The following LINGO2 variants were observed in gnomAD, a reference collection of about 807,000 sequenced individuals.
LINGO2 encodes leucine-rich repeat and immunoglobulin-like domain-containing nogo receptor-interacting protein 2.
In LINGO2, 14 loss-of-function variants were observed where a neutral mutation model predicts 30.6. The ratio of observed to expected loss-of-function variants is 0.46; its 90% CI spans 0.30 to 0.72. LINGO2 has a LOEUF of 0.72. Ranked by LOEUF, LINGO2 falls within the 30% of genes least tolerant of loss-of-function variation. The pLI is 0.07. For missense variants in LINGO2, 729 were observed against 751.7 expected, an observed-to-expected ratio of 0.97 and a Z score of 0.35; for synonymous variants, 317 against 288.5, an observed-to-expected ratio of 1.10 and a Z score of -1.00.
chr9:28,504,997 A>C (rs1008926721), intron 1 of LINGO2, among the ~76,000 whole-genome samples: 34 of 151,890 alleles, frequency 2.2e-4, no homozygotes, highest in African/African-American at 8.0e-4. Context: ...GAAGGGTTCA[A>C]GTCAGGGAAG....
At chr9:28,643,402 C>T (rs1827693585) in intron 1 of LINGO2, among the ~76,000 whole-genome samples, 1 of 151,992 alleles carries the variant, frequency 6.6e-6, no homozygotes, top group Non-Finnish European at 1.5e-5. Context: ...TCACAGTGAA[C>T]TCATTTTTAA....
the LINGO2 span, among the ~76,000 whole-genome samples, chr9:28,845,906 T>C: frequency 2.6e-5 from 4 of 151,670 alleles, no homozygotes; most frequent in Non-Finnish European, 5.9e-5. Flanking sequence ...CAATGTCCCA[T>C]TGGTGTTCTC....
At chr9:28,119,069 GT>G in intron 4 of LINGO2, among the ~76,000 whole-genome samples, 1 of 151,968 alleles carries the variant, frequency 6.6e-6, no homozygotes, top group Admixed American at 6.6e-5. Context: ...AAAAAAATGT[GT>G]TTTTAAAAAA....
intron 2 of LINGO2, among the ~76,000 whole-genome samples, chr9:28,424,901 G>T (rs568620243): frequency 6.6e-6 from 1 of 152,006 alleles, no homozygotes; most frequent in African/African-American, 2.4e-5. Flanking sequence ...ACCATACAGT[G>T]GTTCATTGGT....
the LINGO2 span, among the ~76,000 whole-genome samples, chr9:28,991,175 C>T: frequency 1.3e-5 from 2 of 151,984 alleles, no homozygotes; most frequent in Admixed American, 6.6e-5. Context: ...CTTAAAGGAG[C>T]TGATGGAGCT....
At chr9:28,190,026 G>A (rs565675409) in intron 4 of LINGO2, among the ~76,000 whole-genome samples, 3 of 152,228 alleles carry the variant, frequency 2.0e-5, no homozygotes, top group Non-Finnish European at 2.9e-5. Context: ...TTAATCTTGG[G>A]TCCATGAATC....
At chr9:28,075,536 G>A (rs1331328004) in intron 4 of LINGO2, among the ~76,000 whole-genome samples, 1 of 151,862 alleles carries the variant, frequency 6.6e-6, no homozygotes, top group Non-Finnish European at 1.5e-5. Flanking sequence ...ATGTATGCAT[G>A]TTCTCGTTTC....
the LINGO2 span, among the ~76,000 whole-genome samples, chr9:28,977,324 A>G: frequency 5.3e-5 from 8 of 152,012 alleles, no homozygotes; most frequent in Non-Finnish European, 1.2e-4. Flanking sequence ...CACAGGGTAA[A>G]TTTCTTATCT....
At chr9:29,000,514 C>G in the LINGO2 span, among the ~76,000 whole-genome samples, 1 of 151,842 alleles carries the variant, frequency 6.6e-6, no homozygotes, top group Non-Finnish European at 1.5e-5. Context: ...TTTATCCCTA[C>G]TAAAAACAAA....
the LINGO2 span, among the ~76,000 whole-genome samples, chr9:28,864,951 GAA>G: frequency 6.6e-6 from 1 of 152,070 alleles, no homozygotes; most frequent in Non-Finnish European, 1.5e-5. Flanking sequence ...TAGGTGTTAT[GAA>G]AAGTTTCCAT....
At chr9:28,023,887 C>T (rs1563921089) in intron 4 of LINGO2, among the ~76,000 whole-genome samples, 1 of 152,152 alleles carries the variant, frequency 6.6e-6, no homozygotes, top group South Asian at 2.1e-4. Flanking sequence ...TACTCAGCCT[C>T]CAACAATCCA....
rs569732772 is a variant in LINGO2, at chr9:27,950,209, G to A, written c.463C>T (p.Leu155=). 123 of 1,613,960 alleles carry A rather than the reference G, an allele frequency of 7.6e-5. 3 individuals carry two copies. In the South Asian group the frequency reaches 1.3e-3, roughly 17 times the overall value. ...TTGTCCCCCACTTCTAGAGACTTCA[G>A]GTTATGTAGATCTTGGAACATGTAG... Residue 155 remains leucine, a synonymous_variant, in exon 6 of 6, where the codon CTG becomes TTG. Transcript: ENST00000379992.
the LINGO2 span, among the ~76,000 whole-genome samples, chr9:29,180,745 A>T: frequency 6.6e-6 from 1 of 152,176 alleles, no homozygotes; most frequent in Non-Finnish European, 1.5e-5. Context: ...GTTCATTTCT[A>T]TCAAATAACA....
chr9:28,189,713 A>AAGGG (rs1399628251), intron 4 of LINGO2, among the ~76,000 whole-genome samples: 10 of 94,062 alleles, frequency 1.1e-4, no homozygotes, highest in Non-Finnish European at 1.4e-4. Flanking sequence ...GGAAGGAAGG[A>AAGGG]AGGAAGGAAG....
chr9:28,999,865 T>C, the LINGO2 span, among the ~76,000 whole-genome samples: 3 of 151,758 alleles, frequency 2.0e-5, no homozygotes, highest in African/African-American at 7.2e-5. Flanking sequence ...ACTGCTCTGA[T>C]ACATTCCAAT....
At chr9:28,059,334 A>G (rs549691855) in intron 4 of LINGO2, among the ~76,000 whole-genome samples, 2 of 152,016 alleles carry the variant, frequency 1.3e-5, no homozygotes, top group African/African-American at 2.4e-5. Context: ...GGCCTTCACA[A>G]CCTCCATACA....
At chr9:28,707,017 A>G in the LINGO2 span, among the ~76,000 whole-genome samples, 2 of 152,116 alleles carry the variant, frequency 1.3e-5, no homozygotes, top group Non-Finnish European at 2.9e-5. Context: ...ACATGTTCTT[A>G]TAGATCTATG....
At chr9:28,417,338 TTTAAATGTCATAATGAATAA>T in intron 2 of LINGO2, among the ~76,000 whole-genome samples, 1 of 152,218 alleles carries the variant, frequency 6.6e-6, no homozygotes, top group Non-Finnish European at 1.5e-5. Context: ...AGGTGCTACA[TTTAAATGTCATAATGAATAA>T]AATCAAAGCA....
At chr9:28,355,761 C>G (rs995379929) in intron 3 of LINGO2, among the ~76,000 whole-genome samples, 1 of 152,130 alleles carries the variant, frequency 6.6e-6, no homozygotes, top group Admixed American at 6.5e-5. Flanking sequence ...GTACGTAATA[C>G]TCACACTGTA....
Sources: allele counts gnomAD v4.1 joint callset (sites outside exome capture counted in the v4.1 genomes callset), GRCh38; gene constraint gnomAD v4.1.1; transcripts MANE v1.5; gene names NCBI Gene and HGNC (gene_info 2026-07-23, HGNC 2026-07-21).